Variants in DNASE2 observed in about 807,000 individuals in gnomAD.
DNASE2 encodes the protein deoxyribonuclease 2, lysosomal, also known as deoxyribonuclease-2-alpha.
In DNASE2, 26 loss-of-function variants were observed where a neutral mutation model predicts 29.8. The observed-to-expected ratio is 0.87, with a 90% CI of 0.64 to 1.21. DNASE2 has a LOEUF of 1.21. Among genes scored for constraint, DNASE2 ranks in the 50% most tolerant of loss-of-function variants. The pLI is 0.00. For synonymous variants in DNASE2, 186 were observed against 193.5 expected, an observed-to-expected ratio of 0.96 and a Z score of 0.32; for missense variants, 415 against 455.6, an observed-to-expected ratio of 0.91 and a Z score of 0.81.
At chr19:12,881,219 A>G in intron 1 of DNASE2, 67 bp from the exon 2 acceptor site, 1 of 1,610,084 alleles carries the variant, frequency 6.2e-7, no homozygotes, top group Non-Finnish European at 8.5e-7. Context: ...TTCCCCGAGG[A>G]GGTAGCCATC....
At chr19:12,876,384 G>C in intron 5 of DNASE2, 21 bp from the exon 6 acceptor site, 2 of 1,607,856 alleles carry the variant, frequency 1.2e-6, no homozygotes, top group Non-Finnish European at 8.5e-7. Context: ...TGGAGAGAGG[G>C]CACAGGTAGG....
rs760275229 is a variant in DNASE2, at chr19:12,881,368, G to A, written c.8C>T (p.Pro3Leu). The A allele has an allele frequency of 1.1e-5, 17 of 1,559,656 alleles. No homozygotes were observed. Among genetic ancestry groups the A allele is most frequent in the East Asian group, 7.2e-5 (3 of 41,554 alleles). MIPLLLAALLCVP... is the reference protein window; with the variant it reads MILLLLAALLCVP... ...GCACAGCAGCGCTGCCAGCAGCAGC[G>A]GGATCATAGCTGCTATGGGGCTGAG... The change falls in exon 1 of 6, where the codon CCG becomes CTG. Residue 3 changes from proline (P) to leucine (L), a missense_variant. Transcript: ENST00000222219.
In DNASE2 at chr19:12,878,461, G is replaced by A. The variant is rs1024208306; in HGVS notation, c.630C>T (p.Pro210=). Residue 210 remains proline, a synonymous_variant, in exon 5 of 6, where the codon CCC becomes CCT. Transcript: ENST00000222219. ...VVKGHHVSQE[P]WNSSITLTSQ... Reference sequence around the variant, plus strand: ...ATGTGAGTGTGATGCTGCTGTTCCAGGGTTCTTGGCTAACGTGGTGGCCCT... The same window carrying A: ...ATGTGAGTGTGATGCTGCTGTTCCAAGGTTCTTGGCTAACGTGGTGGCCCT... The A allele has an allele frequency of 5.6e-6, 9 of 1,613,956 alleles. No homozygotes were observed. In the Middle Eastern group the frequency reaches 8.5e-4, roughly 152 times the overall value.
rs544464809 is a variant in DNASE2 at position 12,880,557 on chromosome 19, G to A, written c.346+245C>T. 9.2e-5 allele frequency among the ~76,000 whole-genome samples: 14 copies of A among 152,188 alleles called. No homozygotes were observed. The South Asian group carries it at 1.0e-3, about 11-fold the overall frequency. On this transcript the variant is annotated intron_variant, in intron 3 of 5. Transcript: ENST00000222219. ...TTTAATACCAGCTACTTGGGAGGCT[G>A]AGACAGGAGAATTGCTTCAACCCCA...
At position 12,875,889 on chromosome 19, in the gene DNASE2, C is replaced by T; in HGVS notation, c.*101G>A. ...GTAGAGATGTGGTCTCACTATGTAG[C>T]CCAGGCTGGTCTCGAATTCCTGAGT... On this transcript the variant is annotated 3_prime_UTR_variant, in exon 6 of 6. Coordinates refer to ENST00000222219, the MANE Select transcript of DNASE2 (RefSeq NM_001375.3). The T allele has an allele frequency of 6.7e-7, 1 of 1,491,992 alleles. No individual in the cohort carries two copies. The highest frequency in any genetic ancestry group is 9.1e-7 in the Non-Finnish European group (1 of 1,094,950). The allele number at this position is 1,491,992 out of a possible 1,614,324, so 92.4% of individuals were successfully genotyped here.
In DNASE2 at chr19:12,875,983, A is replaced by G. The variant is rs759870950; in HGVS notation, c.*7T>C. 2.5e-6 allele frequency: 4 copies of G among 1,612,586 alleles called. No individual in the cohort carries two copies. Among genetic ancestry groups the G allele is most frequent in the Middle Eastern group, 1.9e-4 (1 of 5,296 alleles). On this transcript the variant is annotated 3_prime_UTR_variant, in exon 6 of 6. Coordinates refer to ENST00000222219, the MANE Select transcript of DNASE2 (RefSeq NM_001375.3). The stretch of plus-strand genomic sequence containing the variant: ...CATACGTGAGCCACTGCACCTGGCC[A>G]TAAGGGTTAGATCTTATAAGCTCTG...
intron 3 of DNASE2, among the ~76,000 whole-genome samples, chr19:12,880,524 G>A (rs1970367576): frequency 6.6e-6 from 1 of 151,976 alleles, no homozygotes; most frequent in Non-Finnish European, 1.5e-5. Flanking sequence ...CTGGTGTGAT[G>A]GTGCGCCTTT....
rs1970319158 is a variant in DNASE2, at chr19:12,876,223, G to A, written c.850C>T (p.Pro284Ser). Residue 284 changes from proline to serine, a missense_variant, in exon 6 of 6, where the codon CCA (proline) becomes TCA (serine). Physicochemically the swap from Pro to Ser is moderately conservative, Grantham distance 74 (BLOSUM62 -1). Coordinates refer to ENST00000222219, the MANE Select transcript of DNASE2 (RefSeq NM_001375.3). ...LNVNQIAFPG[P>S]AGPSFNSTED... Reference sequence around the variant, plus strand: ...GTGCTGTTGAAGCTTGGGCCGGCTGGTCCAGGGAAAGCTATCTGGTTCACA... The same window carrying A: ...GTGCTGTTGAAGCTTGGGCCGGCTGATCCAGGGAAAGCTATCTGGTTCACA... The A allele has an allele frequency of 1.2e-6, 2 of 1,614,218 alleles. No individual in the cohort carries two copies. Among genetic ancestry groups the A allele is most frequent in the Non-Finnish European group, 8.5e-7 (1 of 1,180,050 alleles).
In DNASE2 at chr19:12,881,282, G is replaced by T. The variant is rs1045901206; in HGVS notation, c.86+8C>A. On this transcript the variant is annotated splice_region_variant and intron_variant, in intron 1 of 5. Coordinates refer to ENST00000222219, the MANE Select transcript of DNASE2 (RefSeq NM_001375.3). ...GGGGCGATGGTAGGCCCCCCGCTGCGCACTCACCAGTCTACAGGCTGCCCG... is the reference window on the plus strand; with the variant it reads ...GGGGCGATGGTAGGCCCCCCGCTGCTCACTCACCAGTCTACAGGCTGCCCG... 3.2e-6 allele frequency: 5 copies of T among 1,578,516 alleles called. No homozygotes were observed. In the African/African-American group the frequency reaches 4.1e-5, roughly 13 times the overall value.
In DNASE2 at chr19:12,881,092, C is replaced by CA. The variant is rs751814227; in HGVS notation, c.146dup (p.Gln50AlafsTer48). On this transcript the variant is annotated frameshift_variant, in exon 2 of 6. Coordinates refer to ENST00000222219, the MANE Select transcript of DNASE2 (RefSeq NM_001375.3). LOFTEE classifies it high-confidence loss of function. The stretch of plus-strand genomic sequence containing the variant: ...AGCTCTCGTCCAGATACTTGTACTG[C>CA]AGCCCTCTCTGCGCCGCCTCCCCGG... 1 of 1,612,180 alleles carries CA rather than the reference C, an allele frequency of 6.2e-7. No individual in the cohort carries two copies.
At position 12,875,802 on chromosome 19, in the gene DNASE2, G is replaced by A. The variant is rs963359037; in HGVS notation, c.*188C>T. ...TCTCCCTGGTTCAATCGATCCTCTG[G>A]CTTCAGTGGCTGGGACTACAGGCAT... On this transcript the variant is annotated 3_prime_UTR_variant, in exon 6 of 6. Coordinates refer to ENST00000222219, the MANE Select transcript of DNASE2 (RefSeq NM_001375.3). The A allele has an allele frequency of 2.4e-5, 15 of 635,266 alleles. No homozygotes were observed. Among genetic ancestry groups the A allele is most frequent in the Admixed American group, 1.8e-4 (6 of 32,594 alleles). 39.4% of individuals were successfully genotyped at this position (635,266 alleles called of 1,614,324 possible). A position where few individuals can be genotyped will look rare whatever the true frequency, so the allele number is the denominator to read the frequency against.
chr19:12,875,324 T>C lies in DNASE2; in HGVS notation c.*666A>G, dbSNP rs1438706535. On this transcript the variant is annotated 3_prime_UTR_variant, in exon 6 of 6. Transcript: ENST00000222219. ...CGGTTAAGGCACACAATCAAGGTCA[T>C]ACAGCTAGGAAGGGGATGAACTGGG... 5 of 180,274 alleles carry C rather than the reference T, an allele frequency of 2.8e-5. No individual in the cohort carries two copies. Among genetic ancestry groups the C allele is most frequent in the Non-Finnish European group, 5.9e-5 (5 of 84,674 alleles). The allele number at this position is 180,274 out of a possible 1,614,324, so 11.2% of individuals were successfully genotyped here. A position where few individuals can be genotyped will look rare whatever the true frequency, so the allele number is the denominator to read the frequency against.
In DNASE2 at chr19:12,878,463, G is replaced by A. The variant is rs781759575; in HGVS notation, c.628C>T (p.Pro210Ser). Residue 210 changes from proline (P) to serine (S), a missense_variant, in exon 5 of 6, where the codon CCC becomes TCC. By Grantham distance (74) the Pro-to-Ser change is moderately conservative. Coordinates refer to ENST00000222219, the MANE Select transcript of DNASE2 (RefSeq NM_001375.3). ...GTGAGTGTGATGCTGCTGTTCCAGG[G>A]TTCTTGGCTAACGTGGTGGCCCTTG... The part of the protein sequence containing the change: ...VVKGHHVSQE[P>S]WNSSITLTSQ... 6.2e-7 allele frequency: 1 copy of A among 1,613,984 alleles called. No individual in the cohort carries two copies. Among genetic ancestry groups the A allele is most frequent in the Non-Finnish European group, 8.5e-7 (1 of 1,180,042 alleles).
Position 12,875,880 on chromosome 19 carries a change from A to G in DNASE2, c.*110T>C, listed in dbSNP as rs1157796858. On this transcript the variant is annotated 3_prime_UTR_variant, in exon 6 of 6. Transcript: ENST00000222219. ...TAAGTTCTAGTAGAGATGTGGTCTC[A>G]CTATGTAGCCCAGGCTGGTCTCGAA... 4.2e-6 allele frequency: 6 copies of G among 1,416,092 alleles called. No individual in the cohort carries two copies. The highest frequency in any genetic ancestry group is 5.8e-6 in the Non-Finnish European group (6 of 1,034,820). 87.7% of individuals were successfully genotyped at this position (1,416,092 alleles called of 1,614,324 possible).
chr19:12,881,432 A>G lies in DNASE2; in HGVS notation c.-57T>C. The G allele has an allele frequency of 6.5e-7, 1 of 1,545,732 alleles. No individual in the cohort carries two copies. Among genetic ancestry groups the G allele is most frequent in the Non-Finnish European group, 8.7e-7 (1 of 1,145,206 alleles). ...TGTCGGGACTGCGGGGCGCTGGGTT[A>G]CATCAGAGGCCAGGACTGGCACCTG... is the stretch of plus-strand genomic sequence containing the variant. On this transcript the variant is annotated 5_prime_UTR_variant, in exon 1 of 6. It removes the in-frame stop codon of an upstream open reading frame in the 5' UTR. Coordinates refer to ENST00000222219, the MANE Select transcript of DNASE2 (RefSeq NM_001375.3).
intron 5 of DNASE2, chr19:12,877,900 C>T (rs1050918707): frequency 3.2e-5 from 8 of 248,050 alleles, no homozygotes; most frequent in Middle Eastern, 1.6e-3. Flanking sequence ...GGCTGGAGTG[C>T]AGTGGAGTCA....
chr19:12,880,296 C>G (rs1168195323), intron 3 of DNASE2, among the ~76,000 whole-genome samples: 1 of 151,382 alleles, frequency 6.6e-6, no homozygotes, highest in African/African-American at 2.4e-5. Context: ...AATAGATGCC[C>G]AAGGTCTGAC....
rs913078395 is a variant in DNASE2 at position 12,880,829 on chromosome 19, C to G, written c.319G>C (p.Asp107His). 3 of 1,614,216 alleles carry G rather than the reference C, an allele frequency of 1.9e-6. No individual in the cohort carries two copies. The highest frequency in any genetic ancestry group is 2.5e-6 in the Non-Finnish European group (3 of 1,180,040). The stretch of plus-strand genomic sequence containing the variant: ...TTCGTGTGCCCACGCATGGAAGAGT[C>G]CTGAGCCTTGCTGGGTTGAGGCGGT... ...DQPPQPSKAQ[D>H]SSMRGHTKGV... The change falls in exon 3 of 6, where the codon GAC becomes CAC. Residue 107 changes from aspartate to histidine, a missense_variant. Coordinates refer to ENST00000222219, the MANE Select transcript of DNASE2 (RefSeq NM_001375.3).
Position 12,880,808 on chromosome 19 carries a change from T to C in DNASE2, c.340A>G (p.Thr114Ala). The change falls in exon 3 of 6, where the codon ACG (threonine) becomes GCG (alanine). Residue 114 changes from threonine to alanine, a missense_variant. Coordinates refer to ENST00000222219, the MANE Select transcript of DNASE2 (RefSeq NM_001375.3). Reference protein sequence around the residue: ...KAQDSSMRGHTKGVLLLDHDG... With the variant: ...KAQDSSMRGHAKGVLLLDHDG... ...CCCCCAATCCAGGCCTCACCCTTCG[T>C]GTGCCCACGCATGGAAGAGTCCTGA... The C allele has an allele frequency of 6.2e-7, 1 of 1,614,198 alleles. No homozygotes were observed. The highest frequency in any genetic ancestry group is 8.5e-7 in the Non-Finnish European group (1 of 1,180,028).
Sources: allele counts gnomAD v4.1 joint callset (sites outside exome capture counted in the v4.1 genomes callset), GRCh38; gene constraint gnomAD v4.1.1; transcripts MANE v1.5; gene names NCBI Gene and HGNC (gene_info 2026-07-23, HGNC 2026-07-21).